The following SSPN variants were observed in gnomAD, a reference collection of about 807,000 sequenced individuals.
SSPN encodes K-ras oncogene-associated protein.
Under a neutral mutation model 19.1 loss-of-function variants are expected in SSPN, and 15 were observed. The ratio of observed to expected loss-of-function variants is 0.78; its 90% CI spans 0.52 to 1.21. The LOEUF is 1.21. Ranked by LOEUF, SSPN falls within the 50% of genes most tolerant of loss-of-function variation. SSPN has a pLI of 0.00. For synonymous variants in SSPN, 147 were observed against 140.3 expected (o/e 1.05, Z -0.34); for missense variants, 291 against 314.0 (o/e 0.93, Z 0.55).
intron 1 of SSPN, chr12:26,124,574 T>A (rs368411883): frequency 6.2e-7 from 1 of 1,614,180 alleles, no homozygotes; most frequent in African/African-American, 1.3e-5. Flanking sequence ...CAAAGAGGAA[T>A]AGTCCAGTCT....
intron 1 of SSPN, among the ~76,000 whole-genome samples, chr12:26,166,280 A>T (rs1291404800): frequency 6.6e-6 from 1 of 152,252 alleles, no homozygotes; most frequent in East Asian, 1.9e-4. Context: ...TAATAATAAA[A>T]AAAAGTATAT....
upstream of SSPN, among the ~76,000 whole-genome samples, chr12:26,192,059 A>C (rs1944792512): frequency 6.6e-6 from 1 of 152,218 alleles, no homozygotes. Flanking sequence ...AGTTTTAAAG[A>C]GTTATCATCT....
At chr12:26,213,020 C>T (rs1208108273) in intron 1 of SSPN, among the ~76,000 whole-genome samples, 1 of 151,238 alleles carries the variant, frequency 6.6e-6, no homozygotes, top group Non-Finnish European at 1.5e-5. Flanking sequence ...CTGGAATTCG[C>T]CATGGATATC....
intron 1 of SSPN, among the ~76,000 whole-genome samples, chr12:26,137,611 C>CAT (rs1390211807): frequency 4.4e-5 from 5 of 114,922 alleles, no homozygotes; most frequent in African/African-American, 1.4e-4. Flanking sequence ...TACACATATA[C>CAT]ATATATATGT....
chr12:26,141,386 A>G (rs1944459761), intron 1 of SSPN, among the ~76,000 whole-genome samples: 1 of 152,216 alleles, frequency 6.6e-6, no homozygotes, highest in Admixed American at 6.5e-5. Context: ...CCTTGCAAAC[A>G]TCTTGAGTTT....
intron 1 of SSPN, among the ~76,000 whole-genome samples, chr12:26,138,299 T>C (rs1944440569): frequency 6.6e-6 from 1 of 152,252 alleles, no homozygotes. Flanking sequence ...TATTTAAAGA[T>C]ATCCAAATAT....
At chr12:26,159,881 T>A (rs1193703783) in intron 1 of SSPN, among the ~76,000 whole-genome samples, 2 of 152,168 alleles carry the variant, frequency 1.3e-5, no homozygotes, top group African/African-American at 4.8e-5. Context: ...TATCCATTCA[T>A]TGAATGGGTA....
intron 1 of SSPN, among the ~76,000 whole-genome samples, chr12:26,209,260 A>G (rs187051673): frequency 6.6e-6 from 1 of 152,240 alleles, no homozygotes; most frequent in East Asian, 1.9e-4. Context: ...TGTTTTTCAT[A>G]TCAATTATTT....
intron 1 of SSPN, chr12:26,122,482 C>T (rs1944318558): frequency 3.0e-6 from 4 of 1,329,384 alleles, no homozygotes; most frequent in Non-Finnish European, 3.9e-6. Context: ...CAGAAGGGGG[C>T]CGCGGCGGCC....
In SSPN at chr12:26,224,384, G is replaced by A; in HGVS notation, c.366+5G>A. 1 of 1,601,170 alleles carries A rather than the reference G, an allele frequency of 6.2e-7. No homozygotes were observed. The highest frequency in any genetic ancestry group is 8.6e-7 in the Non-Finnish European group (1 of 1,168,240). ...TGTATTCAATTTTCTATGAAAGTAA[G>A]TTGTGATTGTTCTTTCTCTTTTATC... is the stretch of plus-strand genomic sequence containing the variant. On this transcript the variant is annotated splice_donor_5th_base_variant and intron_variant, in intron 2 of 2. Transcript: ENST00000242729.
upstream of SSPN, among the ~76,000 whole-genome samples, chr12:26,193,820 T>C (rs1384431803): frequency 6.6e-6 from 1 of 152,216 alleles, no homozygotes; most frequent in Admixed American, 6.5e-5. Flanking sequence ...ATTTGTTCCC[T>C]GAACCATTAT....
Position 26,169,444 on chromosome 12 carries a change from C to T in SSPN, c.-31+47292C>T, listed in dbSNP as rs1944641307. 2.0e-5 allele frequency among the ~76,000 whole-genome samples: 3 copies of T among 152,024 alleles called. No homozygotes were observed. The South Asian group carries it at 6.2e-4, about 32-fold the overall frequency. On this transcript the variant is annotated intron_variant, in intron 1 of 2. Coordinates refer to the SSPN transcript ENST00000538142. Reference sequence around the variant, plus strand: ...AGAAGGAATACAAAGGGATAGGAGGCTTAGTATTTAGCCTCTGATATCAAA... The same window carrying T: ...AGAAGGAATACAAAGGGATAGGAGGTTTAGTATTTAGCCTCTGATATCAAA...
At chr12:26,198,271 C>G (rs1347070837) in intron 1 of SSPN, among the ~76,000 whole-genome samples, 1 of 152,160 alleles carries the variant, frequency 6.6e-6, no homozygotes, top group Admixed American at 6.5e-5. Context: ...TCAAGACGTT[C>G]TCGTGCCTCA....
upstream of SSPN, among the ~76,000 whole-genome samples, chr12:26,194,851 TGTG>T (rs1170179082): frequency 6.6e-6 from 1 of 152,252 alleles, no homozygotes; most frequent in Non-Finnish European, 1.5e-5. Flanking sequence ...ATTAGCCAGA[TGTG>T]GTGGTGATTG....
At chr12:26,178,991 T>C (rs1195841752) in intron 1 of SSPN, among the ~76,000 whole-genome samples, 3 of 152,074 alleles carry the variant, frequency 2.0e-5, no homozygotes. Flanking sequence ...GCTTACAGTG[T>C]AGGAGGGAAC....
At chr12:26,160,711 T>C (rs1018265800) in intron 1 of SSPN, among the ~76,000 whole-genome samples, 9 of 152,228 alleles carry the variant, frequency 5.9e-5, no homozygotes, top group African/African-American at 1.9e-4. Context: ...CTACCACCCA[T>C]GTCAGAACCA....
intron 1 of SSPN, chr12:26,124,944 C>G (rs1252779995): frequency 1.2e-5 from 9 of 733,600 alleles, no homozygotes; most frequent in Admixed American, 2.0e-5. Flanking sequence ...TGGTCCCCCC[C>G]CTCCACCGCG....
At chr12:26,185,643 G>A (rs917050188) in intron 1 of SSPN, among the ~76,000 whole-genome samples, 1 of 152,176 alleles carries the variant, frequency 6.6e-6, no homozygotes, top group East Asian at 1.9e-4. Context: ...TGACCTGACC[G>A]AACCAGTAGG....
At chr12:26,141,443 ATAATAAATTTGTGTTG>A (rs925234520) in intron 1 of SSPN, among the ~76,000 whole-genome samples, 5 of 152,230 alleles carry the variant, frequency 3.3e-5, no homozygotes, top group African/African-American at 1.2e-4. Context: ...GAACTCTCAG[ATAATAAATTTGTGTTG>A]TTTAAGCTGG....
Sources: allele counts gnomAD v4.1 joint callset (sites outside exome capture counted in the v4.1 genomes callset), GRCh38; gene constraint gnomAD v4.1.1; transcripts MANE v1.5; gene names NCBI Gene and HGNC (gene_info 2026-07-23, HGNC 2026-07-21).